Variants in MME observed in about 807,000 individuals in gnomAD.
MME encodes neprilysin.
Under a neutral mutation model 113.2 loss-of-function variants are expected in MME, and 98 were observed. That is an observed-to-expected ratio of 0.87 (90% CI 0.74 to 1.02). MME has a LOEUF of 1.02. Ranked by LOEUF, MME falls within the 50% of genes least tolerant of loss-of-function variation. The probability of loss-of-function intolerance (pLI) is 0.00; values close to 1 mark genes in which losing one functional copy is unlikely to be tolerated. For missense variants in MME, 836 were observed against 896.0 expected (o/e 0.93, Z 0.86); for synonymous variants, 292 against 300.6 (o/e 0.97, Z 0.30).
chr3:155,167,065 A>G, intron 18 of MME, 44 bp downstream of exon 18: 2 of 1,608,434 alleles, frequency 1.2e-6, no homozygotes, highest in South Asian at 1.1e-5. Flanking sequence ...GTATATGCTC[A>G]TAAATTTGAT....
chr3:155,137,184 T>A lies in MME; in HGVS notation c.721-918T>A, dbSNP rs978203009. Among the ~76,000 whole-genome samples, 5 of 152,268 alleles carry A rather than the reference T, an allele frequency of 3.3e-5. No homozygotes were observed. In the East Asian group the frequency reaches 9.6e-4, roughly 29 times the overall value. On this transcript the variant is annotated intron_variant, in intron 8 of 22. Transcript: ENST00000360490. ...TATCAGAAGAAAACTAATATCTAAA[T>A]CTATGGTATCGTATAGTGAAATTTT... is the stretch of plus-strand genomic sequence containing the variant.
intron 1 of MME, among the ~76,000 whole-genome samples, chr3:155,054,739 C>A (rs943177879): frequency 6.6e-6 from 1 of 152,170 alleles, no homozygotes; most frequent in Non-Finnish European, 1.5e-5. Context: ...ATTGCTTGAA[C>A]CCAGGAGGCG....
intron 1 of MME, among the ~76,000 whole-genome samples, chr3:155,047,630 G>T (rs1030563730): frequency 4.6e-5 from 7 of 152,090 alleles, no homozygotes; most frequent in Non-Finnish European, 8.8e-5. Context: ...TATATTAGCT[G>T]CATTAAAGTA....
At chr3:155,154,306 G>A (rs1427968785) in intron 16 of MME, among the ~76,000 whole-genome samples, 1 of 152,062 alleles carries the variant, frequency 6.6e-6, no homozygotes, top group East Asian at 1.9e-4. Context: ...TTCCTGAAAG[G>A]CCAGCACCAC....
At chr3:155,093,519 C>T (rs941207871) in intron 3 of MME, among the ~76,000 whole-genome samples, 17 of 152,238 alleles carry the variant, frequency 1.1e-4, no homozygotes, top group Admixed American at 3.9e-4. Context: ...TGGTTTTTCA[C>T]ACAGGTGCTG....
At chr3:155,164,496 G>T (rs1372104668) in intron 17 of MME, among the ~76,000 whole-genome samples, 1 of 152,100 alleles carries the variant, frequency 6.6e-6, no homozygotes, top group Non-Finnish European at 1.5e-5. Context: ...AAAAGGGGAG[G>T]TCATAATTAG....
At chr3:155,068,070 TC>T (rs1166437780) in intron 1 of MME, among the ~76,000 whole-genome samples, 2 of 152,278 alleles carry the variant, frequency 1.3e-5, no homozygotes, top group African/African-American at 4.8e-5. Context: ...CTAAGGGATA[TC>T]CATTCAATGG....
In MME at chr3:155,140,104, C is replaced by G. The variant is rs566174792; in HGVS notation, c.856-87C>G. On this transcript the variant is annotated intron_variant, in intron 9 of 22. Transcript: ENST00000360490. ...GAATAGGACTTAAATTATGTTGTAC[C>G]TATCCTATATTTTTACCCTCATATG... is the stretch of plus-strand genomic sequence containing the variant. 10 of 845,722 alleles carry G rather than the reference C, an allele frequency of 1.2e-5. No homozygotes were observed. The East Asian group carries it at 1.4e-4, about 12-fold the overall frequency. 52.4% of individuals were successfully genotyped at this position (845,722 alleles called of 1,614,324 possible).
chr3:155,061,092 T>TATCAAATG (rs1714120841), intron 1 of MME, among the ~76,000 whole-genome samples: 1 of 152,214 alleles, frequency 6.6e-6, no homozygotes, highest in Non-Finnish European at 1.5e-5. Context: ...GTGTATACAT[T>TATCAAATG]ATCAAATGAT....
upstream of MME, among the ~76,000 whole-genome samples, chr3:155,074,809 A>G (rs1349152505): frequency 6.6e-5 from 10 of 152,174 alleles, no homozygotes; most frequent in African/African-American, 2.4e-4. Context: ...ATATTTATTT[A>G]ATCATGTTAA....
intron 1 of MME, among the ~76,000 whole-genome samples, chr3:155,066,758 G>A (rs1714391279): frequency 1.3e-5 from 2 of 152,088 alleles, no homozygotes; most frequent in Admixed American, 6.6e-5. Context: ...TTCTAGCTTG[G>A]TACTCTCATC....
chr3:155,033,043 G>C (rs1354448138), intron 1 of MME, among the ~76,000 whole-genome samples: 2 of 152,240 alleles, frequency 1.3e-5, no homozygotes, highest in Admixed American at 1.3e-4. Flanking sequence ...TCTGGTCTGA[G>C]TTAGGTACAG....
chr3:155,137,823 A>C (rs748486318), intron 8 of MME, among the ~76,000 whole-genome samples: 3 of 152,206 alleles, frequency 2.0e-5, no homozygotes, highest in African/African-American at 4.8e-5. Context: ...AAATAACTTT[A>C]TTGAAAATTG....
chr3:155,031,244 T>C (rs1202988639), intron 1 of MME, among the ~76,000 whole-genome samples: 3 of 152,178 alleles, frequency 2.0e-5, no homozygotes, highest in African/African-American at 7.2e-5. Flanking sequence ...CATTTATTAA[T>C]TCCAGTTTAG....
chr3:155,074,015 A>G (rs1714665829), intron 1 of MME, among the ~76,000 whole-genome samples: 1 of 151,278 alleles, frequency 6.6e-6, no homozygotes, highest in Non-Finnish European at 1.5e-5. Flanking sequence ...CTTCTTTTCT[A>G]TTGACTTCTC....
rs772109678 is a variant in MME, at chr3:155,168,792, T to C, written c.1975T>C (p.Tyr659His). ...TGATAATGGAGGTCTTGGTCAAGCA[T>C]ACAGAGTAAGTAAAAAAGATTTTCT... is the stretch of plus-strand genomic sequence containing the variant. ...IADNGGLGQA[Y>H]RAYQNYIKKN... The change falls in exon 20 of 23, where the codon TAC (tyrosine) becomes CAC (histidine). Residue 659 changes from tyrosine (Y) to histidine (H), a missense_variant. Transcript: ENST00000360490. 2.5e-6 allele frequency: 4 copies of C among 1,610,264 alleles called. No individual in the cohort carries two copies. The East Asian group carries it at 6.7e-5, about 27-fold the overall frequency.
intron 3 of MME, among the ~76,000 whole-genome samples, chr3:155,089,387 C>T (rs1284664500): frequency 6.6e-6 from 1 of 152,182 alleles, no homozygotes; most frequent in Non-Finnish European, 1.5e-5. Flanking sequence ...TTTCTCAACT[C>T]AATCACTATT....
intron 1 of MME, among the ~76,000 whole-genome samples, chr3:155,065,363 A>G (rs112489635): frequency 0.014 from 2,156 of 152,340 alleles, 48 homozygotes; most frequent in African/African-American, 0.049. Context: ...AGGACCTACC[A>G]GAATGGCTAG....
intron 1 of MME, among the ~76,000 whole-genome samples, chr3:155,068,518 G>A (rs1714457453): frequency 6.6e-6 from 1 of 152,188 alleles, no homozygotes; most frequent in Non-Finnish European, 1.5e-5. Flanking sequence ...TTTTAGGCTG[G>A]TCTGACACGG....
Sources: gnomAD v4.1 joint callset for allele counts (sites outside exome capture counted in the v4.1 genomes callset) on GRCh38, gnomAD v4.1.1 for gene constraint, MANE v1.5 for transcripts, NCBI Gene and HGNC (gene_info 2026-07-23, HGNC 2026-07-21) for gene names.